The following TENM3 variants were observed in gnomAD, a reference collection of about 807,000 sequenced individuals.
TENM3 encodes teneurin transmembrane protein 3, also known as teneurin-3.
In TENM3, 63 loss-of-function variants were observed where a neutral mutation model predicts 255.1. The observed-to-expected ratio is 0.25, with a 90% CI of 0.20 to 0.30. TENM3 has a LOEUF of 0.30. TENM3 is among the 10% of genes least tolerant of loss of function. TENM3 has a pLI of 1.00. For missense variants in TENM3, 2,929 were observed against 3,461.1 expected (o/e 0.85, Z 3.86); for synonymous variants, 1,306 against 1,322.3 (o/e 0.99, Z 0.27).
intron 3 of TENM3, among the ~76,000 whole-genome samples, chr4:182,468,824 T>TG (rs1732835421): frequency 7.0e-6 from 1 of 143,778 alleles, no homozygotes; most frequent in African/African-American, 2.6e-5. Flanking sequence ...TCCTGTGTGC[T>TG]TGTGTGTGTG....
intron 3 of TENM3, among the ~76,000 whole-genome samples, chr4:182,531,922 G>A (rs551510771): frequency 1.4e-4 from 22 of 152,294 alleles, no homozygotes; most frequent in Admixed American, 3.3e-4. Context: ...GGAACCTTCC[G>A]GAAATCTGGG....
At chr4:182,103,179 G>A in the TENM3 span, among the ~76,000 whole-genome samples, 1 of 152,184 alleles carries the variant, frequency 6.6e-6, no homozygotes, top group Non-Finnish European at 1.5e-5. Flanking sequence ...ACAGTTCTAA[G>A]AAGTAGGCTC....
chr4:182,268,070 T>C (rs990050519), intron 1 of TENM3, among the ~76,000 whole-genome samples: 1 of 152,206 alleles, frequency 6.6e-6, no homozygotes, highest in African/African-American at 2.4e-5. Context: ...CAACCCCATG[T>C]CAGCTTAGTT....
the TENM3 span, among the ~76,000 whole-genome samples, chr4:181,573,417 A>T: frequency 1.3e-5 from 2 of 150,580 alleles, no homozygotes; most frequent in East Asian, 2.0e-4. Flanking sequence ...TCTTTCTTAA[A>T]TTTTTTTTTT....
At chr4:182,361,788 G>T (rs564265995) in intron 3 of TENM3, among the ~76,000 whole-genome samples, 309 of 152,226 alleles carry the variant, frequency 2.0e-3, no homozygotes, top group Non-Finnish European at 3.4e-3. Flanking sequence ...AGGAGGAGAG[G>T]TGCTCTGCTT....
At chr4:182,255,160 CA>C (rs1180155651) in intron 1 of TENM3, among the ~76,000 whole-genome samples, 1 of 152,148 alleles carries the variant, frequency 6.6e-6, no homozygotes, top group Non-Finnish European at 1.5e-5. Flanking sequence ...GCAAGGATGA[CA>C]GCCCTGTGGG....
chr4:182,784,796 G>A (rs796862823), intron 24 of TENM3, among the ~76,000 whole-genome samples: 30 of 152,138 alleles, frequency 2.0e-4, no homozygotes, highest in African/African-American at 6.7e-4. Context: ...CGCAGTATTC[G>A]GGTGGGAGTG....
At chr4:181,523,011 T>G in the TENM3 span, 6 of 637,580 alleles carry the variant, frequency 9.4e-6, no homozygotes, top group East Asian at 2.0e-4. Context: ...ATCAGTCCTA[T>G]AATTTGAAGA....
intron 2 of TENM3, among the ~76,000 whole-genome samples, chr4:182,336,866 T>C (rs1764176669): frequency 6.7e-6 from 1 of 150,016 alleles, no homozygotes; most frequent in Non-Finnish European, 1.5e-5. Context: ...TTTTTTCTTG[T>C]GTTCCATTGT....
At chr4:182,072,342 C>G in the TENM3 span, among the ~76,000 whole-genome samples, 1,033 of 152,208 alleles carry the variant, frequency 6.8e-3, 6 homozygotes, top group Non-Finnish European at 0.012. Context: ...GGGTGGACAC[C>G]GGCAGTCAGT....
chr4:182,656,853 A>G (rs1265912462), intron 6 of TENM3, among the ~76,000 whole-genome samples: 1 of 152,216 alleles, frequency 6.6e-6, no homozygotes, highest in Non-Finnish European at 1.5e-5. Context: ...GGTATTTAGT[A>G]TCTAAAAGAA....
chr4:182,276,418 A>T (rs1160514551), intron 1 of TENM3, among the ~76,000 whole-genome samples: 1 of 152,212 alleles, frequency 6.6e-6, no homozygotes, highest in Admixed American at 6.5e-5. Flanking sequence ...CCCTCTTGAG[A>T]TAACATTTGT....
the TENM3 span, among the ~76,000 whole-genome samples, chr4:182,104,107 T>C: frequency 6.6e-6 from 1 of 152,120 alleles, no homozygotes; most frequent in Non-Finnish European, 1.5e-5. Flanking sequence ...TACGGTGGTG[T>C]AAACACTCAC....
At chr4:181,644,917 G>GC in the TENM3 span, among the ~76,000 whole-genome samples, 1 of 152,064 alleles carries the variant, frequency 6.6e-6, no homozygotes, top group East Asian at 1.9e-4. Flanking sequence ...TTCCTTTGTA[G>GC]AAAGGCTGGG....
the TENM3 span, among the ~76,000 whole-genome samples, chr4:181,559,331 C>T: frequency 6.6e-6 from 1 of 152,160 alleles, no homozygotes; most frequent in Admixed American, 6.5e-5. Context: ...TACCGACCCA[C>T]AATGGCAAAT....
chr4:182,121,123 C>T, the TENM3 span, among the ~76,000 whole-genome samples: 1 of 151,950 alleles, frequency 6.6e-6, no homozygotes, highest in African/African-American at 2.4e-5. Context: ...CTCAGCCTCC[C>T]GAGTAGCTGG....
chr4:181,448,006 A>G, the TENM3 span, among the ~76,000 whole-genome samples: 3 of 151,994 alleles, frequency 2.0e-5, no homozygotes, highest in African/African-American at 4.8e-5. Context: ...AATGCTACAA[A>G]TGGAAACTCG....
intron 3 of TENM3, among the ~76,000 whole-genome samples, chr4:182,550,209 C>T (rs187675725): frequency 6.6e-6 from 1 of 152,256 alleles, no homozygotes; most frequent in East Asian, 1.9e-4. Context: ...CCTAAAATAG[C>T]TCTTGTAGTC....
the TENM3 span, among the ~76,000 whole-genome samples, chr4:181,986,917 A>C: frequency 0.17 from 26,573 of 152,122 alleles, 2,626 homozygotes; most frequent in South Asian, 0.24. Flanking sequence ...TCTCCAAACT[A>C]TGAACAGTAC....
Sources: allele counts gnomAD v4.1 joint callset (sites outside exome capture counted in the v4.1 genomes callset), GRCh38; gene constraint gnomAD v4.1.1; transcripts MANE v1.5; gene names NCBI Gene and HGNC (gene_info 2026-07-23, HGNC 2026-07-21).